Variants in PSD observed in about 807,000 individuals in gnomAD.
The protein encoded by PSD is pleckstrin and Sec7 domain containing.
PSD carries 32 observed loss-of-function variants against 91.6 expected under a neutral mutation model. The ratio of observed to expected loss-of-function variants is 0.35; its 90% confidence interval spans 0.26 to 0.47. The LOEUF is 0.47. Ranked by LOEUF, PSD falls within the 20% of genes least tolerant of loss-of-function variation. The pLI is 1.00. For missense variants in PSD, 1,099 were observed against 1,373.9 expected (o/e 0.80, Z 3.16); for synonymous variants, 532 against 569.3 (o/e 0.93, Z 0.93).
intron 1 of PSD, among the ~76,000 whole-genome samples, chr10:102,417,773 A>C (rs1184221826): frequency 6.9e-6 from 1 of 144,854 alleles, no homozygotes; most frequent in South Asian, 2.1e-4. Context: ...GAATGGCGCT[A>C]TCTCAGCTCA....
chr10:102,404,084 C>G lies in PSD; in HGVS notation c.2701-99G>C. 7.8e-7 allele frequency: 1 copy of G among 1,287,200 alleles called. No homozygotes were observed. Among genetic ancestry groups the G allele is most frequent in the Non-Finnish European group, 1.0e-6 (1 of 961,146 alleles). The allele number at this position is 1,287,200 out of a possible 1,614,324, so 79.7% of individuals were successfully genotyped here. On this transcript the variant is annotated intron_variant, in intron 15 of 16. Transcript: ENST00000020673. The surrounding 1 kb of genome is among the most constrained non-coding windows in gnomAD (Gnocchi z 5.7). ...CCCCTTCCAGCCGGGCGCGGTGGCT[C>G]ACGCCTGTAATCCCAGCACTTTGGG...
rs1238188868 is a variant in PSD, at chr10:102,416,516, G to A, written c.523C>T (p.His175Tyr). 4.3e-6 allele frequency: 7 copies of A among 1,612,376 alleles called. No homozygotes were observed. Among genetic ancestry groups the A allele is most frequent in the Non-Finnish European group, 5.9e-6 (7 of 1,179,352 alleles). Residue 175 changes from histidine (H) to tyrosine (Y), a missense_variant, in exon 2 of 17, where the codon CAT becomes TAT. By Grantham distance (83) the His-to-Tyr change is moderately conservative. Coordinates refer to ENST00000020673, the MANE Select transcript of PSD (RefSeq NM_002779.5). The surrounding 1 kb of genome is among the most constrained non-coding windows in gnomAD (Gnocchi z 6.0). ...ACCTGGGGTGGGGCTGGCGGCCCAT[G>A]TACAAGGTTCCGGCTGCCAGGTAGG... is the stretch of plus-strand genomic sequence containing the variant. ...SALPGSRNLV[H>Y]GPPAPPQVGA... is the part of the protein sequence containing the mutation.
upstream of PSD, chr10:102,418,842 C>G: frequency 2.7e-6 from 1 of 369,174 alleles, no homozygotes; most frequent in Non-Finnish European, 5.4e-6. Context: ...GCCGCTCAGG[C>G]AACGCTAATC....
Position 102,410,714 on chromosome 10 carries a change from T to A in PSD, c.2091+144A>T. 1 of 696,132 alleles carries A rather than the reference T, an allele frequency of 1.4e-6. No homozygotes were observed. Among genetic ancestry groups the A allele is most frequent in the Admixed American group, 2.2e-5 (1 of 46,238 alleles). 43.1% of individuals were successfully genotyped at this position (696,132 alleles called of 1,614,324 possible). A position where few individuals can be genotyped will look rare whatever the true frequency, so the allele number is the denominator to read the frequency against. On this transcript the variant is annotated intron_variant, in intron 10 of 16. Coordinates refer to ENST00000020673, the MANE Select transcript of PSD (RefSeq NM_002779.5). The surrounding 1 kb of genome is among the most constrained non-coding windows in gnomAD (Gnocchi z 6.0). ...CCTGGGGAGGGGGCGGTCCCCAGGC[T>A]GAGTCACGAGAGCCCGGGCTTCCGT... is the stretch of plus-strand genomic sequence containing the variant.
In PSD at chr10:102,414,059, G is replaced by C. The variant is rs756148380; in HGVS notation, c.1263C>G (p.Thr421=). 2 of 1,614,122 alleles carry C rather than the reference G, an allele frequency of 1.2e-6. No individual in the cohort carries two copies. Among genetic ancestry groups the C allele is most frequent in the South Asian group, 1.1e-5 (1 of 91,086 alleles). ...CCAAGGCCTCCAGCGAGGCGAGGCTGGTATAGGAGGTGCCTTTGGCCCGGT... is the reference window on the plus strand; with the variant it reads ...CCAAGGCCTCCAGCGAGGCGAGGCTCGTATAGGAGGTGCCTTTGGCCCGGT... ...ESHRAKGTSY[T]SLASLEALAS... is the part of the protein sequence containing the mutation. Residue 421 remains threonine (T), a synonymous_variant, in exon 5 of 17, where the codon ACC becomes ACG. Coordinates refer to ENST00000020673, the MANE Select transcript of PSD (RefSeq NM_002779.5). This position sits in a 1 kb window ranked among gnomAD's most constrained non-coding sequence, Gnocchi z 5.6.
chr10:102,407,163 C>T, intron 11 of PSD, 60 bp downstream of exon 11: 12 of 1,490,460 alleles, frequency 8.1e-6, no homozygotes, highest in Non-Finnish European at 1.1e-5. Flanking sequence ...CTCTCAGCCT[C>T]CCCAGGCAGC....
In PSD at chr10:102,404,693, T is replaced by TG; in HGVS notation, c.2589dup (p.Ile864HisfsTer18). On this transcript the variant is annotated frameshift_variant, in exon 15 of 17. Coordinates refer to ENST00000020673, the MANE Select transcript of PSD (RefSeq NM_002779.5). LOFTEE classifies it high-confidence loss of function. This position sits in a 1 kb window ranked among gnomAD's most constrained non-coding sequence, Gnocchi z 5.7. ...GAGAACATAGCGGCTACTACATTGATGCGAGTGATCCAGGACTGCATCTGC... is the reference window on the plus strand; with the variant it reads ...GAGAACATAGCGGCTACTACATTGATGGCGAGTGATCCAGGACTGCATCTGC... 6.2e-7 allele frequency: 1 copy of TG among 1,601,190 alleles called. No individual in the cohort carries two copies. Among genetic ancestry groups the TG allele is most frequent in the Non-Finnish European group, 8.5e-7 (1 of 1,172,752 alleles).
intron 1 of PSD, 109 bp from the exon 2 acceptor site, chr10:102,417,230 T>C (rs553729085): frequency 1.9e-4 from 109 of 570,444 alleles, no homozygotes; most frequent in African/African-American, 1.8e-3. Context: ...ATCAGGGACC[T>C]AGCACACCCT....
At chr10:102,406,804 CGAGTATCTAT>C (rs1395127548) in intron 11 of PSD, among the ~76,000 whole-genome samples, 1 of 152,194 alleles carries the variant, frequency 6.6e-6, no homozygotes. Context: ...CTCGCCTGGC[CGAGTATCTAT>C]GTTTCTATTG....
intron 3 of PSD, among the ~76,000 whole-genome samples, 180 bp from the exon 4 acceptor site, chr10:102,415,409 C>G (rs1421541860): frequency 1.3e-5 from 2 of 152,230 alleles, no homozygotes; most frequent in Non-Finnish European, 2.9e-5. Flanking sequence ...CATTTTAAAT[C>G]AAGTTCTTGT....
chr10:102,404,518 G>C lies in PSD; in HGVS notation c.2700+65C>G. 6.5e-7 allele frequency: 1 copy of C among 1,548,262 alleles called. No homozygotes were observed. The highest frequency in any genetic ancestry group is 8.7e-7 in the Non-Finnish European group (1 of 1,143,030). On this transcript the variant is annotated intron_variant, in intron 15 of 16. Transcript: ENST00000020673. This position sits in a 1 kb window ranked among gnomAD's most constrained non-coding sequence, Gnocchi z 5.7. Reference sequence around the variant, plus strand: ...CCACGATCACACGCAGCAGCCTTGAGTGCAGTGGGCCTGAGCCTAACACCC... The same window carrying C: ...CCACGATCACACGCAGCAGCCTTGACTGCAGTGGGCCTGAGCCTAACACCC...
In PSD at chr10:102,402,673, C is replaced by T. The variant is rs1393263151; in HGVS notation, c.*527G>A. ...GAGGCTGTACAAAGGGCAAGGCCCACTGAAGCGGGGGAAAGCCAGGCCGTG... is the reference window on the plus strand; with the variant it reads ...GAGGCTGTACAAAGGGCAAGGCCCATTGAAGCGGGGGAAAGCCAGGCCGTG... On this transcript the variant is annotated 3_prime_UTR_variant, in exon 17 of 17. Coordinates refer to ENST00000020673, the MANE Select transcript of PSD (RefSeq NM_002779.5). 1.8e-5 allele frequency: 6 copies of T among 337,490 alleles called. No homozygotes were observed. Among genetic ancestry groups the T allele is most frequent in the Non-Finnish European group, 3.2e-5 (6 of 185,680 alleles). The allele number at this position is 337,490 out of a possible 1,614,324, so 20.9% of individuals were successfully genotyped here.
At position 102,405,535 on chromosome 10, in the gene PSD, C is replaced by T; in HGVS notation, c.2137G>A (p.Asp713Asn). The T allele has an allele frequency of 1.9e-6, 3 of 1,612,412 alleles. No homozygotes were observed. Among genetic ancestry groups the T allele is most frequent in the Non-Finnish European group, 2.5e-6 (3 of 1,179,244 alleles). ...IKNEKLQWAI[D>N]EEELRRSLSE... ...AGAGAGCGTCTCAGCTCCTCCTCGT[C>T]TCTGCAGGTGTGATCACCTCAGAGG... is the stretch of plus-strand genomic sequence containing the variant. Residue 713 changes from aspartate (D) to asparagine (N), a missense_variant and splice_region_variant, in exon 12 of 17, where the codon GAC becomes AAC. Coordinates refer to ENST00000020673, the MANE Select transcript of PSD (RefSeq NM_002779.5). The surrounding 1 kb of genome is among the most constrained non-coding windows in gnomAD (Gnocchi z 5.4).
chr10:102,413,741 A>G (rs1565226171), intron 5 of PSD, 28 bp downstream of exon 5: 1 of 1,582,598 alleles, frequency 6.3e-7, no homozygotes, highest in Non-Finnish European at 8.6e-7. Flanking sequence ...GGGGGCCTCA[A>G]GTCTGAGGGA....
chr10:102,414,147 G>C lies in PSD; in HGVS notation c.1175C>G (p.Thr392Arg). ...GTCAGGCCCATCAGCCGAGGGGCTCGTCCCAGGTAGAAAGGGCACAGGTGA... is the reference window on the plus strand; with the variant it reads ...GTCAGGCCCATCAGCCGAGGGGCTCCTCCCAGGTAGAAAGGGCACAGGTGA... The part of the protein sequence containing the change: ...LKSPVPFLPG[T>R]SPSADGPDSF... The change falls in exon 5 of 17, where the codon ACG becomes AGG. Residue 392 changes from threonine to arginine, a missense_variant. Thr to Arg is a moderately conservative substitution (Grantham distance 71, BLOSUM62 -1). Transcript: ENST00000020673. This position sits in a 1 kb window ranked among gnomAD's most constrained non-coding sequence, Gnocchi z 5.6. 1 of 1,613,898 alleles carries C rather than the reference G, an allele frequency of 6.2e-7. No homozygotes were observed. Among genetic ancestry groups the C allele is most frequent in the Non-Finnish European group, 8.5e-7 (1 of 1,179,902 alleles).
rs955911726 is a variant in PSD at position 102,409,396 on chromosome 10, G to T, written c.2091+1462C>A. 2.8e-5 allele frequency: 27 copies of T among 980,440 alleles called. No individual in the cohort carries two copies. Among genetic ancestry groups the T allele is most frequent in the Middle Eastern group, 5.2e-4 (1 of 1,908 alleles). 60.7% of individuals were successfully genotyped at this position (980,440 alleles called of 1,614,324 possible). On this transcript the variant is annotated intron_variant, in intron 10 of 16. Coordinates refer to ENST00000020673, the MANE Select transcript of PSD (RefSeq NM_002779.5). The surrounding 1 kb of genome is among the most constrained non-coding windows in gnomAD (Gnocchi z 5.7). ...AAGGGGGCCCTCCCCGCGCGGCCAC[G>T]GGGAGGAGCCTGGGGAGGCCAGCGT... is the stretch of plus-strand genomic sequence containing the variant.
In PSD at chr10:102,414,921, C is replaced by T; in HGVS notation, c.1066G>A (p.Glu356Lys). ...GSGNEDEDDDEAGGEEDVDDE... is the reference protein window; with the variant it reads ...GSGNEDEDDDKAGGEEDVDDE... ...TCCACATCTTCTTCCCCACCTGCCT[C>T]ATCGTCGTCCTCATCCTCATTGCCA... Residue 356 changes from glutamate to lysine, a missense_variant, in exon 4 of 17, where the codon GAG becomes AAG. Coordinates refer to ENST00000020673, the MANE Select transcript of PSD (RefSeq NM_002779.5). The surrounding 1 kb of genome is among the most constrained non-coding windows in gnomAD (Gnocchi z 5.6). The T allele has an allele frequency of 6.6e-7, 1 of 1,520,700 alleles. No homozygotes were observed. The highest frequency in any genetic ancestry group is 8.8e-7 in the Non-Finnish European group (1 of 1,130,224). The allele number at this position is 1,520,700 out of a possible 1,614,324, so 94.2% of individuals were successfully genotyped here.
In PSD at chr10:102,409,720, C is replaced by T. The variant is rs986729046; in HGVS notation, c.2091+1138G>A. Among the ~76,000 whole-genome samples the T allele has an allele frequency of 6.6e-6, 1 of 152,106 alleles. No individual in the cohort carries two copies. Among genetic ancestry groups the T allele is most frequent in the Non-Finnish European group, 1.5e-5 (1 of 68,006 alleles). On this transcript the variant is annotated intron_variant, in intron 10 of 16. Transcript: ENST00000020673. This position sits in a 1 kb window ranked among gnomAD's most constrained non-coding sequence, Gnocchi z 5.7. Reference sequence around the variant, plus strand: ...CTGACATACACCCCAACAAACCAGACGCACCAGTTCACGGTCACCCCAACT... The same window carrying T: ...CTGACATACACCCCAACAAACCAGATGCACCAGTTCACGGTCACCCCAACT...
At position 102,416,445 on chromosome 10, in the gene PSD, G is replaced by GC; in HGVS notation, c.593dup (p.Glu201Ter). ...AGAGTGTGGCCAGGCGCTCAGGGGG[G>GC]CCCCCCAGCCCATTGGGGAGAGAGG... On this transcript the variant is annotated frameshift_variant, in exon 2 of 17. Transcript: ENST00000020673. LOFTEE classifies it high-confidence loss of function. The surrounding 1 kb of genome is among the most constrained non-coding windows in gnomAD (Gnocchi z 6.0). The GC allele has an allele frequency of 6.2e-7, 1 of 1,612,106 alleles. No homozygotes were observed. Among genetic ancestry groups the GC allele is most frequent in the Non-Finnish European group, 8.5e-7 (1 of 1,179,208 alleles).
Sources: gnomAD v4.1 joint callset for allele counts (sites outside exome capture counted in the v4.1 genomes callset) on GRCh38, gnomAD v4.1.1 for gene constraint, Gnocchi (gnomAD v3.1) non-coding constraint, MANE v1.5 for transcripts, NCBI Gene and HGNC (gene_info 2026-07-23, HGNC 2026-07-21) for gene names.